Variants in STAC2 observed in about 807,000 individuals in gnomAD.
STAC2 encodes SH3 and cysteine-rich domain-containing protein 2.
Under a neutral mutation model 49.0 loss-of-function variants are expected in STAC2, and 36 were observed. The ratio of observed to expected loss-of-function variants is 0.74; its 90% CI spans 0.56 to 0.97. STAC2 has a LOEUF of 0.97. STAC2 is among the 50% of genes least tolerant of loss of function. The pLI is 0.00. For missense variants in STAC2, 527 were observed against 543.8 expected, an observed-to-expected ratio of 0.97 and a Z score of 0.31; for synonymous variants, 239 against 214.7, an observed-to-expected ratio of 1.11 and a Z score of -0.99.
chr17:39,213,203 A>G, intron 9 of STAC2, 71 bp from the exon 10 acceptor site: 1 of 1,582,618 alleles, frequency 6.3e-7, no homozygotes, highest in African/African-American at 1.3e-5. Flanking sequence ...CTTTCTCCAG[A>G]CCCGGTTCCC....
chr17:39,223,375 T>C (rs572610442), intron 1 of STAC2, among the ~76,000 whole-genome samples: 1 of 152,288 alleles, frequency 6.6e-6, no homozygotes, highest in Non-Finnish European at 1.5e-5. Context: ...CAGCCCAGTC[T>C]GTGTTAGTGC....
Position 39,212,328 on chromosome 17 carries a change from C to G in STAC2, c.1200G>C (p.Arg400=). Residue 400 remains arginine (R), a synonymous_variant, in exon 11 of 11, where the codon CGG becomes CGC. Coordinates refer to ENST00000333461, the MANE Select transcript of STAC2 (RefSeq NM_198993.5). ...GFIRVSSGKK[R]GLVPVDALTE... ...TCAGGGCGTCGACTGGCACCAGGCC[C>G]CGCTTCTTGCCACTGCTGACGCGGA... 6.2e-7 allele frequency: 1 copy of G among 1,612,310 alleles called. No homozygotes were observed. The highest frequency in any genetic ancestry group is 8.5e-7 in the Non-Finnish European group (1 of 1,179,176).
Position 39,213,627 on chromosome 17 carries a change from T to C in STAC2, c.942-69A>G, listed in dbSNP as rs532234917. On this transcript the variant is annotated intron_variant, in intron 8 of 10. Transcript: ENST00000333461. ...TGCCCCTCCCCATCCTAGCAGACCC[T>C]GGGCACCTGGGGGACACTGCAGTCC... 3.9e-5 allele frequency: 57 copies of C among 1,457,432 alleles called. No homozygotes were observed. In the South Asian group the frequency reaches 6.3e-4, roughly 16 times the overall value. The allele number at this position is 1,457,432 out of a possible 1,614,324, so 90.3% of individuals were successfully genotyped here. A position where few individuals can be genotyped will look rare whatever the true frequency, so the allele number is the denominator to read the frequency against.
In STAC2 at chr17:39,221,253, A is replaced by G. The variant is rs535792872; in HGVS notation, c.91-3080T>C. On this transcript the variant is annotated intron_variant, in intron 1 of 10. Coordinates refer to ENST00000333461, the MANE Select transcript of STAC2 (RefSeq NM_198993.5). Reference sequence around the variant, plus strand: ...TGGGATTACAGGCGCCTGTCACCACACCTGGCTAATTTTTTGTATTTTTTT... The same window carrying G: ...TGGGATTACAGGCGCCTGTCACCACGCCTGGCTAATTTTTTGTATTTTTTT... Among the ~76,000 whole-genome samples, 6 of 149,220 alleles carry G rather than the reference A, an allele frequency of 4.0e-5. No homozygotes were observed. The East Asian group carries it at 1.2e-3, about 30-fold the overall frequency.
chr17:39,212,918 C>T, intron 10 of STAC2, 77 bp downstream of exon 10: 2 of 1,574,566 alleles, frequency 1.3e-6, no homozygotes, highest in Non-Finnish European at 8.6e-7. Context: ...AGAGCATTTA[C>T]CCCCGCACCG....
Position 39,218,684 on chromosome 17 carries a change from A to G in STAC2, c.91-511T>C, listed in dbSNP as rs1015497227. Among the ~76,000 whole-genome samples, 4 of 152,094 alleles carry G rather than the reference A, an allele frequency of 2.6e-5. No individual in the cohort carries two copies. The East Asian group carries it at 7.7e-4, about 29-fold the overall frequency. On this transcript the variant is annotated intron_variant, in intron 1 of 10. Coordinates refer to ENST00000333461, the MANE Select transcript of STAC2 (RefSeq NM_198993.5). ...AATCATTCCATACCCATACATAAAT[A>G]GATTCATCATTCTTTTTTATGGCTA...
intron 9 of STAC2, 132 bp from the exon 10 acceptor site, chr17:39,213,264 GC>G: frequency 1.4e-6 from 2 of 1,471,178 alleles, no homozygotes; most frequent in Non-Finnish European, 1.8e-6. Flanking sequence ...CCGGATTCCA[GC>G]CCCCAGCCAG....
At chr17:39,220,377 G>A (rs1597736528) in intron 1 of STAC2, among the ~76,000 whole-genome samples, 1 of 152,188 alleles carries the variant, frequency 6.6e-6, no homozygotes, top group South Asian at 2.1e-4. Context: ...CGGAGGATGT[G>A]CTGGGGCTGG....
chr17:39,217,937 C>A lies in STAC2; in HGVS notation c.327G>T (p.Arg109Ser). ...PRPLAALKPV[R>S]LHSFQEHVFK... ...AGACATGTTCCTGGAAGCTGTGCAG[C>A]CTCACTGGTTTGAGCGCTGCCAGGG... Residue 109 changes from arginine to serine, a missense_variant, in exon 2 of 11, where the codon AGG becomes AGT. Coordinates refer to ENST00000333461, the MANE Select transcript of STAC2 (RefSeq NM_198993.5). 1 of 1,603,328 alleles carries A rather than the reference C, an allele frequency of 6.2e-7. No individual in the cohort carries two copies. The highest frequency in any genetic ancestry group is 8.5e-7 in the Non-Finnish European group (1 of 1,175,448).
Position 39,217,124 on chromosome 17 carries a change from G to A in STAC2, c.447C>T (p.His149=). The A allele has an allele frequency of 6.2e-7, 1 of 1,614,078 alleles. No homozygotes were observed. Among genetic ancestry groups the A allele is most frequent in the Non-Finnish European group, 8.5e-7 (1 of 1,179,998 alleles). The change falls in exon 3 of 11, where the codon CAC becomes CAT. Residue 149 remains histidine, a synonymous_variant. Coordinates refer to ENST00000333461, the MANE Select transcript of STAC2 (RefSeq NM_198993.5). ...GGGAGATCTCCTCAGAGCACCAGAG[G>A]TGGACGCTGACTTTGCACATCTTAC... is the stretch of plus-strand genomic sequence containing the variant. The part of the protein sequence containing the change: ...LRCKMCKVSV[H]LWCSEEISHQ...
chr17:39,223,963 C>A (rs2046486134), intron 1 of STAC2, among the ~76,000 whole-genome samples: 1 of 152,190 alleles, frequency 6.6e-6, no homozygotes, highest in Non-Finnish European at 1.5e-5. Flanking sequence ...TCTGGCCTCA[C>A]AGACCAGAGT....
chr17:39,223,419 G>A (rs1432668352), intron 1 of STAC2, among the ~76,000 whole-genome samples: 1 of 152,202 alleles, frequency 6.6e-6, no homozygotes, highest in Non-Finnish European at 1.5e-5. Flanking sequence ...ATAGGGGAGG[G>A]GCGGAGGGCC....
Position 39,211,966 on chromosome 17 carries a change from C to T in STAC2, c.*326G>A, listed in dbSNP as rs1041556980. 8 of 270,982 alleles carry T rather than the reference C, an allele frequency of 3.0e-5. No individual in the cohort carries two copies. Among genetic ancestry groups the T allele is most frequent in the Admixed American group, 2.5e-4 (5 of 19,744 alleles). The allele number at this position is 270,982 out of a possible 1,614,324, so 16.8% of individuals were successfully genotyped here. ...GCTGGGAGAAGCAGCAAATAAATTC[C>T]CCAGGAATCTTCCCCAGGGCTGGAC... On this transcript the variant is annotated 3_prime_UTR_variant, in exon 11 of 11. Coordinates refer to ENST00000333461, the MANE Select transcript of STAC2 (RefSeq NM_198993.5).
At chr17:39,217,762 G>T in intron 2 of STAC2, 105 bp downstream of exon 2, 2 of 1,161,036 alleles carry the variant, frequency 1.7e-6, no homozygotes, top group Non-Finnish European at 2.4e-6. Flanking sequence ...TAGTATTGGG[G>T]CTCCTGAACA....
chr17:39,215,272 C>T, intron 4 of STAC2, 42 bp from the exon 5 acceptor site: 1 of 1,600,950 alleles, frequency 6.2e-7, no homozygotes, highest in Non-Finnish European at 8.6e-7. Context: ...TGCCTCAAAG[C>T]CCTGCATCTC....
intron 1 of STAC2, among the ~76,000 whole-genome samples, chr17:39,221,861 G>A (rs1178346771): frequency 6.6e-6 from 1 of 152,228 alleles, no homozygotes; most frequent in Non-Finnish European, 1.5e-5. Context: ...AGGGTGAGAA[G>A]GGACCTGGAA....
At position 39,214,953 on chromosome 17, in the gene STAC2, C is replaced by T; in HGVS notation, c.770G>A (p.Ser257Asn). ...CCTTGATGCCCACCACCACTCACCA[C>T]TGTCACCAGGCCCCTCCTCAGAGCT... is the stretch of plus-strand genomic sequence containing the variant. ...IRSSEEGPGD[S>N]ASPVFTAPAE... The change falls in exon 6 of 11, where the codon AGT becomes AAT. Residue 257 changes from serine (S) to asparagine (N), a missense_variant and splice_region_variant. Physicochemically the swap from Ser to Asn is conservative, Grantham distance 46 (BLOSUM62 1). Coordinates refer to ENST00000333461, the MANE Select transcript of STAC2 (RefSeq NM_198993.5). 1 of 1,614,140 alleles carries T rather than the reference C, an allele frequency of 6.2e-7. No homozygotes were observed. The highest frequency in any genetic ancestry group is 8.5e-7 in the Non-Finnish European group (1 of 1,180,030).
intron 9 of STAC2, 69 bp downstream of exon 9, chr17:39,213,438 T>G: frequency 3.2e-6 from 5 of 1,580,980 alleles, no homozygotes; most frequent in Non-Finnish European, 4.3e-6. Context: ...GTGGGGGCAG[T>G]GCCCATTGGG....
intron 1 of STAC2, among the ~76,000 whole-genome samples, chr17:39,221,158 C>T (rs536634079): frequency 3.3e-5 from 5 of 151,966 alleles, no homozygotes; most frequent in African/African-American, 7.2e-5. Flanking sequence ...TGCAGTGGCA[C>T]GGTCTCAGCT....
Sources: gnomAD v4.1 joint callset for allele counts (sites outside exome capture counted in the v4.1 genomes callset) on GRCh38, gnomAD v4.1.1 for gene constraint, MANE v1.5 for transcripts, NCBI Gene and HGNC (gene_info 2026-07-23, HGNC 2026-07-21) for gene names.